ASIC2: variants seen among roughly 807,000 people sequenced by gnomAD.
ASIC2 encodes the protein acid sensing ion channel subunit 2.
Under a neutral mutation model 57.3 loss-of-function variants are expected in ASIC2, and 25 were observed. That is an observed-to-expected ratio of 0.44 (90% CI 0.32 to 0.61). The LOEUF (loss-of-function observed/expected upper bound fraction) is 0.61. Among genes scored for constraint, ASIC2 ranks in the 20% least tolerant of loss-of-function variants. The pLI is 0.06. For synonymous variants in ASIC2, 319 were observed against 307.5 expected (o/e 1.04, Z -0.39); for missense variants, 641 against 738.1 (o/e 0.87, Z 1.52).
At chr17:33,485,750 A>G (rs1913556022) in intron 1 of ASIC2, among the ~76,000 whole-genome samples, 1 of 152,232 alleles carries the variant, frequency 6.6e-6, no homozygotes, top group Non-Finnish European at 1.5e-5. Context: ...AAGAGAACTC[A>G]GGAACTTGGG....
chr17:33,506,867 C>G (rs564547470), intron 1 of ASIC2, among the ~76,000 whole-genome samples: 1 of 152,174 alleles, frequency 6.6e-6, no homozygotes, highest in Non-Finnish European at 1.5e-5. Flanking sequence ...ACTTGGTTAT[C>G]GTGGTTGGTC....
chr17:33,412,652 T>G (rs1413646918), intron 1 of ASIC2, among the ~76,000 whole-genome samples: 1 of 152,176 alleles, frequency 6.6e-6, no homozygotes, highest in Admixed American at 6.5e-5. Flanking sequence ...GCCTTTGGGC[T>G]GGATATATGC....
chr17:33,932,726 AAAAAAAAAAAAAAAAAT>A (rs1196949369), intron 1 of ASIC2: 7 of 127,498 alleles, frequency 5.5e-5, no homozygotes, highest in Non-Finnish European at 1.1e-4. Flanking sequence ...AAAAAAAAAA[AAAAAAAAAAAAAAAAAT>A]ATATATATAT....
At chr17:33,256,653 A>G (rs1909088963) in intron 1 of ASIC2, among the ~76,000 whole-genome samples, 1 of 152,130 alleles carries the variant, frequency 6.6e-6, no homozygotes, top group Admixed American at 6.5e-5. Context: ...CCAACATGGC[A>G]AAACCCCATC....
intron 1 of ASIC2, among the ~76,000 whole-genome samples, chr17:33,940,531 C>T (rs898882659): frequency 1.3e-5 from 2 of 151,914 alleles, no homozygotes; most frequent in Admixed American, 6.6e-5. Context: ...CACATCCATC[C>T]CTTCCTTCCT....
At chr17:33,230,513 GGT>G (rs1436474882) in intron 1 of ASIC2, among the ~76,000 whole-genome samples, 2 of 152,190 alleles carry the variant, frequency 1.3e-5, no homozygotes, top group Admixed American at 6.5e-5. Context: ...TACAGAGCAG[GGT>G]TGTGGACTGA....
intron 1 of ASIC2, among the ~76,000 whole-genome samples, chr17:33,173,102 G>A (rs559401014): frequency 5.3e-5 from 8 of 152,248 alleles, no homozygotes; most frequent in Non-Finnish European, 8.8e-5. Flanking sequence ...CATACAGTAC[G>A]TGCTCCATAT....
intron 1 of ASIC2, among the ~76,000 whole-genome samples, chr17:33,425,584 C>T (rs1911190604): frequency 6.6e-6 from 1 of 152,078 alleles, no homozygotes; most frequent in Admixed American, 6.5e-5. Context: ...GGGCAGACTT[C>T]ATGAGGGAGG....
At chr17:34,153,249 TC>T (rs1173140224) in intron 1 of ASIC2, among the ~76,000 whole-genome samples, 14 of 152,176 alleles carry the variant, frequency 9.2e-5, no homozygotes, top group African/African-American at 3.4e-4. Flanking sequence ...CCTTGTGACA[TC>T]CCTTCCCCCA....
rs535956155 is a variant in ASIC2, at chr17:34,097,453, C to G, written c.555+58525G>C. On this transcript the variant is annotated intron_variant, in intron 1 of 9. Coordinates refer to the ASIC2 transcript ENST00000359872. ...CCCCAAAACAGACAGGTTGAAATCA[C>G]AAACCTCAGAATGATCCTATTTGGA... Among the ~76,000 whole-genome samples the G allele has an allele frequency of 2.6e-5, 4 of 152,200 alleles. No homozygotes were observed. In the South Asian group the frequency reaches 6.2e-4, roughly 24 times the overall value.
chr17:33,201,993 C>T (rs1906883033), intron 1 of ASIC2, among the ~76,000 whole-genome samples: 2 of 131,880 alleles, frequency 1.5e-5, no homozygotes, highest in African/African-American at 5.7e-5. Flanking sequence ...GATCATGCCA[C>T]TTGGTGACAC....
intron 1 of ASIC2, among the ~76,000 whole-genome samples, chr17:33,485,978 C>T (rs952754978): frequency 5.7e-4 from 87 of 152,370 alleles, no homozygotes; most frequent in African/African-American, 2.0e-3. Context: ...CCTGCCTCTG[C>T]TTTGCTGCCA....
Position 33,757,726 on chromosome 17 carries a change from C to T in ASIC2, c.555+398252G>A, listed in dbSNP as rs1910654048. Among the ~76,000 whole-genome samples, 3 of 152,288 alleles carry T rather than the reference C, an allele frequency of 2.0e-5. No individual in the cohort carries two copies. In the South Asian group the frequency reaches 6.2e-4, roughly 32 times the overall value. On this transcript the variant is annotated intron_variant, in intron 1 of 9. Coordinates refer to the ASIC2 transcript ENST00000359872. ...TCTGCTCTCAGGATCCACAGTTCAG[C>T]ATTTTCTCAGAACAACCTGCAACCT...
At chr17:34,138,885 A>G (rs2142134643) in intron 1 of ASIC2, among the ~76,000 whole-genome samples, 1 of 152,302 alleles carries the variant, frequency 6.6e-6, no homozygotes, top group Middle Eastern at 3.4e-3. Context: ...ACACAACCCA[A>G]TCCTCTGAAA....
chr17:33,319,056 A>C (rs912428424), intron 1 of ASIC2, among the ~76,000 whole-genome samples: 4 of 152,136 alleles, frequency 2.6e-5, no homozygotes, highest in Non-Finnish European at 4.4e-5. Flanking sequence ...CTTGAGATCA[A>C]GAGTTTGAGA....
intron 1 of ASIC2, among the ~76,000 whole-genome samples, chr17:33,767,425 T>C (rs984626115): frequency 6.6e-5 from 10 of 152,314 alleles, no homozygotes; most frequent in African/African-American, 1.9e-4. Context: ...AATTAGTGAG[T>C]GTAGAAATGA....
intron 1 of ASIC2, among the ~76,000 whole-genome samples, chr17:33,452,915 A>C (rs1912312872): frequency 6.6e-6 from 1 of 152,146 alleles, no homozygotes; most frequent in African/African-American, 2.4e-5. Flanking sequence ...GCTCCTCCGA[A>C]TCAAACTGCT....
intron 3 of ASIC2, among the ~76,000 whole-genome samples, chr17:33,083,611 G>A (rs2092122361): frequency 6.6e-6 from 1 of 152,198 alleles, no homozygotes; most frequent in Non-Finnish European, 1.5e-5. Flanking sequence ...GGTGTGAATA[G>A]GCCTTTGCCA....
intron 1 of ASIC2, among the ~76,000 whole-genome samples, chr17:33,172,287 T>A (rs1905551060): frequency 6.6e-6 from 1 of 152,172 alleles, no homozygotes; most frequent in African/African-American, 2.4e-5. Flanking sequence ...CTGGGGGCAA[T>A]GGGTGAGTGG....
Sources: gnomAD v4.1 joint callset for allele counts (sites outside exome capture counted in the v4.1 genomes callset) on GRCh38, gnomAD v4.1.1 for gene constraint, MANE v1.5 for transcripts, NCBI Gene and HGNC (gene_info 2026-07-23, HGNC 2026-07-21) for gene names.